The following RYR2 variants were observed in gnomAD, a reference collection of about 807,000 sequenced individuals.
RYR2 encodes ryanodine receptor 2, also known as cardiac muscle ryanodine receptor-calcium release channel.
A neutral mutation model predicts 601.1 loss-of-function variants in RYR2; 227 were observed. The ratio of observed to expected loss-of-function variants is 0.38; its 90% confidence interval spans 0.34 to 0.42. The LOEUF (loss-of-function observed/expected upper bound fraction) is 0.42, where lower values mean the gene tolerates loss of function less well. Among genes scored for constraint, RYR2 ranks in the 10% least tolerant of loss-of-function variants. RYR2 has a pLI of 1.00. For missense variants in RYR2, 4,646 were observed against 6,156.5 expected, an observed-to-expected ratio of 0.75 and a Z score of 8.21; for synonymous variants, 2,223 against 2,175.1, an observed-to-expected ratio of 1.02 and a Z score of -0.61.
In RYR2 at chr1:237,781,650, G is replaced by C. The variant is rs1695119277; in HGVS notation, c.11962+4G>C. On this transcript the variant is annotated splice_donor_region_variant and intron_variant, in intron 89 of 104. Transcript: ENST00000366574. Reference sequence around the variant, plus strand: ...ATGTTGCTGTCCATGTTAGAAGGTAGTTTTGATTTATACTTTTAAATTCTC... The same window carrying C: ...ATGTTGCTGTCCATGTTAGAAGGTACTTTTGATTTATACTTTTAAATTCTC... 6.6e-7 allele frequency: 1 copy of C among 1,514,198 alleles called. No individual in the cohort carries two copies. The highest frequency in any genetic ancestry group is 1.4e-5 in the African/African-American group (1 of 72,718). The allele number at this position is 1,514,198 out of a possible 1,614,324, so 93.8% of individuals were successfully genotyped here.
At position 237,831,396 on chromosome 1, in the gene RYR2, T is replaced by C. The variant is rs539317874; in HGVS notation, c.14757-118T>C. The C allele has an allele frequency of 1.2e-4, 70 of 604,862 alleles. No homozygotes were observed. The East Asian group carries it at 1.9e-3, about 17-fold the overall frequency. The allele number at this position is 604,862 out of a possible 1,614,324, so 37.5% of individuals were successfully genotyped here. ...ACTAATTTTTCCAAAAATTTGCATG[T>C]GGCGTTTTCTCTGTGCTGGCCATAA... On this transcript the variant is annotated intron_variant, in intron 103 of 104. Coordinates refer to ENST00000366574, the MANE Select transcript of RYR2 (RefSeq NM_001035.3).
intron 96 of RYR2, 91 bp from the exon 97 acceptor site, chr1:237,797,946 A>G: frequency 8.7e-7 from 1 of 1,152,722 alleles, no homozygotes. Flanking sequence ...ATATACAGTA[A>G]GTATAAAAAT....
intron 5 of RYR2, 51 bp from the exon 6 acceptor site, chr1:237,369,483 A>G: frequency 7.0e-7 from 1 of 1,435,462 alleles, no homozygotes; most frequent in African/African-American, 1.4e-5. Context: ...TGGTTAAGTT[A>G]CTCTTTTGTG....
intron 1 of RYR2, among the ~76,000 whole-genome samples, chr1:237,244,847 C>G (rs574347907): frequency 6.6e-6 from 1 of 152,232 alleles, no homozygotes; most frequent in South Asian, 2.1e-4. Flanking sequence ...AGTGGAGGCT[C>G]CCATTGTCAA....
intron 29 of RYR2, among the ~76,000 whole-genome samples, chr1:237,577,218 G>T (rs780749044): frequency 6.6e-6 from 1 of 152,156 alleles, no homozygotes; most frequent in African/African-American, 2.4e-5. Flanking sequence ...ACACAGGATG[G>T]ATGAATTAAC....
intron 44 of RYR2, among the ~76,000 whole-genome samples, chr1:237,637,259 C>T (rs986330092): frequency 2.6e-5 from 4 of 152,164 alleles, no homozygotes; most frequent in South Asian, 4.1e-4. Context: ...TTAACTTAAG[C>T]TGGATATAAC....
At chr1:237,148,532 A>ATT (rs1163593674) in intron 1 of RYR2, among the ~76,000 whole-genome samples, 3 of 56,860 alleles carry the variant, frequency 5.3e-5, no homozygotes, top group African/African-American at 2.2e-4. Flanking sequence ...AAAAAAATAT[A>ATT]TATATATATA....
At chr1:237,396,405 G>A (rs1489554091) in intron 10 of RYR2, among the ~76,000 whole-genome samples, 1 of 152,184 alleles carries the variant, frequency 6.6e-6, no homozygotes, top group African/African-American at 2.4e-5. Flanking sequence ...AAGCATTTTT[G>A]GGGTTGTGGA....
At chr1:237,077,852 C>A (rs1665186421) in intron 1 of RYR2, among the ~76,000 whole-genome samples, 1 of 147,622 alleles carries the variant, frequency 6.8e-6, no homozygotes. Flanking sequence ...CACACCTATT[C>A]CAAAATTGGC....
chr1:237,428,688 G>A (rs553059272), intron 12 of RYR2, among the ~76,000 whole-genome samples: 24 of 150,466 alleles, frequency 1.6e-4, no homozygotes, highest in Admixed American at 1.5e-3. Flanking sequence ...GATAGGTGCC[G>A]CAAACCACCA....
intron 87 of RYR2, among the ~76,000 whole-genome samples, 173 bp downstream of exon 87, chr1:237,773,821 C>G (rs1694448927): frequency 6.6e-6 from 1 of 152,094 alleles, no homozygotes; most frequent in Non-Finnish European, 1.5e-5. Flanking sequence ...ATTGCTTCAC[C>G]ATTTGGCAGG....
At chr1:237,686,120 G>C (rs1440367514) in intron 62 of RYR2, among the ~76,000 whole-genome samples, 1 of 152,094 alleles carries the variant, frequency 6.6e-6, no homozygotes, top group East Asian at 1.9e-4. Flanking sequence ...CTAGTCCTGG[G>C]GAGCTGCACG....
intron 56 of RYR2, among the ~76,000 whole-genome samples, chr1:237,661,662 A>G (rs1683811353): frequency 6.6e-6 from 1 of 152,152 alleles, no homozygotes; most frequent in African/African-American, 2.4e-5. Flanking sequence ...TAGGGTGTTC[A>G]GACAGTCATG....
intron 102 of RYR2, 200 bp from the exon 103 acceptor site, chr1:237,830,330 C>G: frequency 2.2e-6 from 1 of 458,008 alleles, no homozygotes; most frequent in South Asian, 2.7e-5. Flanking sequence ...GCTGCTGGTA[C>G]CTGTGTCATT....
intron 10 of RYR2, among the ~76,000 whole-genome samples, chr1:237,398,606 C>T (rs752238133): frequency 2.6e-5 from 4 of 152,262 alleles, no homozygotes; most frequent in South Asian, 2.1e-4. Context: ...TTGACAGCCA[C>T]GTGCTGGTGA....
chr1:237,308,770 A>G (rs1289213380), intron 2 of RYR2, among the ~76,000 whole-genome samples: 3 of 152,188 alleles, frequency 2.0e-5, no homozygotes, highest in African/African-American at 4.8e-5. Context: ...AAGCTTCTAC[A>G]CCGTGGAAAG....
At chr1:237,111,524 G>A (rs1468246062) in intron 1 of RYR2, among the ~76,000 whole-genome samples, 1 of 151,370 alleles carries the variant, frequency 6.6e-6, no homozygotes, top group Non-Finnish European at 1.5e-5. Context: ...GGAGGCGGAG[G>A]TTGCAGTGAG....
chr1:237,599,808 C>CA (rs56123861), intron 34 of RYR2, among the ~76,000 whole-genome samples: 1,793 of 107,860 alleles, frequency 0.017, 26 homozygotes, highest in Non-Finnish European at 0.022. Context: ...GACTCCATCT[C>CA]AAAAAAAAAA....
chr1:237,379,877 T>C (rs1318463560), intron 8 of RYR2, among the ~76,000 whole-genome samples: 3 of 152,210 alleles, frequency 2.0e-5, no homozygotes, highest in African/African-American at 7.2e-5. Context: ...AAAATTTCAC[T>C]TTCATTTGAT....
Sources: allele counts gnomAD v4.1 joint callset (sites outside exome capture counted in the v4.1 genomes callset), GRCh38; gene constraint gnomAD v4.1.1; transcripts MANE v1.5; gene names NCBI Gene and HGNC (gene_info 2026-07-23, HGNC 2026-07-21).